CAPN15: variants seen among roughly 807,000 people sequenced by gnomAD.
The protein encoded by CAPN15 is calpain-15.
In CAPN15, 53 loss-of-function variants were observed where a neutral mutation model predicts 97.9. That is an observed-to-expected ratio of 0.54 (90% CI 0.43 to 0.68). CAPN15 has a LOEUF of 0.68. CAPN15 is among the 30% of genes least tolerant of loss of function. The pLI, the probability that CAPN15 is intolerant of heterozygous loss-of-function variation, is 0.00. For synonymous variants in CAPN15, 922 were observed against 722.5 expected (o/e 1.28, Z -4.43); for missense variants, 1,592 against 1,589.8 (o/e 1.00, Z -0.02).
rs1478499495 is a variant in CAPN15, at chr16:553,026, T to C, written c.3068T>C (p.Val1023Ala). The change falls in exon 13 of 14, where the codon GTG (valine) becomes GCG (alanine). Residue 1023 changes from valine (V) to alanine (A), a missense_variant. Physicochemically the swap from Val to Ala is moderately conservative, Grantham distance 64. Transcript: ENST00000219611. Reference sequence around the variant, plus strand: ...GGCAGCCTGCGTACCCAGGATAGCGTGCCACCCCTGCACAGGTGCGCCCCC... The same window carrying C: ...GGCAGCCTGCGTACCCAGGATAGCGCGCCACCCCTGCACAGGTGCGCCCCC... ...TRGSLRTQDS[V>A]PPLHRQVLVI... The C allele has an allele frequency of 6.3e-7, 1 of 1,584,228 alleles. No individual in the cohort carries two copies. The highest frequency in any genetic ancestry group is 8.6e-7 in the Non-Finnish European group (1 of 1,165,658).
At position 549,602 on chromosome 16, in the gene CAPN15, C is replaced by T. The variant is rs562637268; in HGVS notation, c.1843-13C>T. On this transcript the variant is annotated splice_polypyrimidine_tract_variant and intron_variant, in intron 6 of 13. Transcript: ENST00000219611. ...GGGCGGGCGGGGGTGGCCTCTGACC[C>T]GGCCCTCTGCAGGCGCAGCGGAAGC... The T allele has an allele frequency of 1.4e-4, 210 of 1,530,534 alleles. 1 individual carries two copies. The highest frequency in any genetic ancestry group is 3.7e-4 in the South Asian group (31 of 83,774). 94.8% of individuals were successfully genotyped at this position (1,530,534 alleles called of 1,614,324 possible).
chr16:548,091 G>A lies in CAPN15; in HGVS notation c.1253G>A (p.Cys418Tyr). 6.5e-7 allele frequency: 1 copy of A among 1,538,688 alleles called. No homozygotes were observed. The highest frequency in any genetic ancestry group is 8.7e-7 in the Non-Finnish European group (1 of 1,142,862). Residue 418 changes from cysteine (C) to tyrosine (Y), a missense_variant, in exon 4 of 14, where the codon TGC (cysteine) becomes TAC (tyrosine). Cys to Tyr is a radical substitution (Grantham distance 194). Around this residue, in one of 3 missense-constraint regions of CAPN15, gnomAD observed 883 missense variants for 776.6 expected, o/e 1.14. Transcript: ENST00000219611. Reference protein sequence around the residue: ...VLPERPGQWACPACTLLNALR... With the variant: ...VLPERPGQWAYPACTLLNALR... ...CCCGAGCGCCCGGGCCAGTGGGCCT[G>A]CCCTGCCTGTACCCTGCTCAACGCA...
Position 547,233 on chromosome 16 carries a change from A to C in CAPN15, c.395A>C (p.Glu132Ala). 6.6e-7 allele frequency: 1 copy of C among 1,518,168 alleles called. No homozygotes were observed. Among genetic ancestry groups the C allele is most frequent in the Non-Finnish European group, 8.8e-7 (1 of 1,139,136 alleles). 94.0% of individuals were successfully genotyped at this position (1,518,168 alleles called of 1,614,324 possible). ...GAGGACAAGGACGAGGAGGAGAAGG[A>C]GGAGCAGGAGGAGGAGGAGGGAGCG... is the stretch of plus-strand genomic sequence containing the variant. ...QCEDKDEEEK[E>A]EQEEEEGAAE... The change falls in exon 4 of 14, where the codon GAG becomes GCG. Residue 132 changes from glutamate to alanine, a missense_variant. Physicochemically the swap from Glu to Ala is moderately radical, Grantham distance 107. Transcript: ENST00000219611.
At chr16:548,368 T>C in intron 4 of CAPN15, 81 bp downstream of exon 4, 1 of 1,347,342 alleles carries the variant, frequency 7.4e-7, no homozygotes, top group Non-Finnish European at 9.8e-7. Context: ...GCTCTGGCGA[T>C]GGGCTGGGGA....
In CAPN15 at chr16:547,449, T is replaced by C. The variant is rs2142037853; in HGVS notation, c.611T>C (p.Leu204Pro). 6.3e-7 allele frequency: 1 copy of C among 1,589,572 alleles called. No homozygotes were observed. The highest frequency in any genetic ancestry group is 8.5e-7 in the Non-Finnish European group (1 of 1,175,204). Residue 204 changes from leucine (L) to proline (P), a missense_variant, in exon 4 of 14, where the codon CTC (leucine) becomes CCC (proline). Around this residue, in one of 3 missense-constraint regions of CAPN15, gnomAD observed 883 missense variants for 776.6 expected, o/e 1.14. Coordinates refer to ENST00000219611, the MANE Select transcript of CAPN15 (RefSeq NM_005632.3). ...HVVPAAPPPGLPGEGAEANPP... is the reference protein window; with the variant it reads ...HVVPAAPPPGPPGEGAEANPP... ...GTGCCTGCCGCGCCTCCACCTGGCC[T>C]CCCCGGGGAAGGTGCCGAGGCCAAC...
At chr16:528,060 GCCCAGCCGGGGAC>G (rs1396211217) in intron 1 of CAPN15, 31 bp downstream of exon 1, 1 of 144,544 alleles carries the variant, frequency 6.9e-6, no homozygotes, top group Non-Finnish European at 1.5e-5. Flanking sequence ...CCGGCCGGGC[GCCCAGCCGGGGAC>G]CCCGGGCGGG....
Position 540,420 on chromosome 16 carries a change from C to T in CAPN15, c.-23+4278C>T. 4 of 917,112 alleles carry T rather than the reference C, an allele frequency of 4.4e-6. No individual in the cohort carries two copies. In the South Asian group the frequency reaches 2.0e-4, roughly 46 times the overall value. 56.8% of individuals were successfully genotyped at this position (917,112 alleles called of 1,614,324 possible). A position where few individuals can be genotyped will look rare whatever the true frequency, so the allele number is the denominator to read the frequency against. On this transcript the variant is annotated intron_variant, in intron 3 of 13. Transcript: ENST00000219611. Reference sequence around the variant, plus strand: ...CCGGAGGGCTCCCGGGGGCAGAGGGCCTCGTTCTCAGGGTGCCCCCTCCTT... The same window carrying T: ...CCGGAGGGCTCCCGGGGGCAGAGGGTCTCGTTCTCAGGGTGCCCCCTCCTT...
intron 3 of CAPN15, chr16:543,435 G>C (rs1435137376): frequency 6.6e-6 from 1 of 152,650 alleles, no homozygotes; most frequent in Non-Finnish European, 1.5e-5. Context: ...CGGGTATGTG[G>C]GGCGTGTGTT....
At position 527,732 on chromosome 16, in the gene CAPN15, A is replaced by C. The variant is rs561365027; in HGVS notation, c.-487A>C. 6.7e-3 allele frequency: 1,010 copies of C among 150,354 alleles called. 11 individuals carry two copies. The highest frequency in any genetic ancestry group is 0.023 in the African/African-American group (943 of 41,198). The allele number at this position is 150,354 out of a possible 1,614,324, so 9.3% of individuals were successfully genotyped here. A position where few individuals can be genotyped will look rare whatever the true frequency, so the allele number is the denominator to read the frequency against. ...GAGCCGTAGTCCGGGCGCGCGATTC[A>C]CAGCGCCGCGTGCGCCCCGGGCGCG... On this transcript the variant is annotated 5_prime_UTR_variant, in exon 1 of 14. Transcript: ENST00000219611.
chr16:534,856 G>A (rs768338602), intron 2 of CAPN15, among the ~76,000 whole-genome samples: 2 of 152,212 alleles, frequency 1.3e-5, no homozygotes, highest in Non-Finnish European at 2.9e-5. Context: ...TGGGGTCGCT[G>A]TGGTTCCCAT....
Position 544,582 on chromosome 16 carries a change from G to A in CAPN15, c.-22-2235G>A, listed in dbSNP as rs558838963. Among the ~76,000 whole-genome samples the A allele has an allele frequency of 9.9e-5, 15 of 152,188 alleles. No homozygotes were observed. In the East Asian group the frequency reaches 1.6e-3, roughly 16 times the overall value. On this transcript the variant is annotated intron_variant, in intron 3 of 13. Transcript: ENST00000219611. ...CCCTTTTGAATTGGAGCTGAGTGTC[G>A]GCAACGCCCAGATAACTGGGGCGCG...
chr16:546,820 C>A lies in CAPN15; in HGVS notation c.-19C>A. On this transcript the variant is annotated 5_prime_UTR_variant, in exon 4 of 14. Coordinates refer to ENST00000219611, the MANE Select transcript of CAPN15 (RefSeq NM_005632.3). ...TGATGAGCACCTTCCCTTGCAGCCA[C>A]ACCCACTCGCCCGGGTCTATGGCCA... The A allele has an allele frequency of 6.3e-7, 1 of 1,582,934 alleles. No individual in the cohort carries two copies.
At chr16:540,030 T>G in intron 3 of CAPN15, 1 of 958,556 alleles carries the variant, frequency 1.0e-6, no homozygotes, top group Non-Finnish European at 1.2e-6. Context: ...GTGTGAATCA[T>G]GCTGTTTCTT....
rs1486753076 is a variant in CAPN15 at position 529,815 on chromosome 16, G to T, written c.-190+1786G>T. The stretch of plus-strand genomic sequence containing the variant: ...ACTTGTCAGGTCTGTGTCTGTCCTG[G>T]GTGGCCACTCGGCCCTGGACCGTGA... On this transcript the variant is annotated intron_variant, in intron 1 of 13. Transcript: ENST00000219611. Among the ~76,000 whole-genome samples, 6 of 152,328 alleles carry T rather than the reference G, an allele frequency of 3.9e-5. No individual in the cohort carries two copies. In the East Asian group the frequency reaches 1.2e-3, roughly 29 times the overall value.
At chr16:531,743 C>T (rs984863389) in intron 1 of CAPN15, among the ~76,000 whole-genome samples, 2 of 146,188 alleles carry the variant, frequency 1.4e-5, no homozygotes, top group African/African-American at 2.5e-5. Flanking sequence ...ATGACAGGTG[C>T]CCAGGGCCAC....
At chr16:551,935 C>T (rs111911259) in intron 9 of CAPN15, 116 bp from the exon 10 acceptor site, 78 of 1,195,736 alleles carry the variant, frequency 6.5e-5, no homozygotes, top group South Asian at 2.9e-4. Context: ...TGCAAGAGGA[C>T]GGTGACGGAG....
At chr16:550,733 C>CG (rs1555447171) in intron 7 of CAPN15, among the ~76,000 whole-genome samples, 8 of 9,348 alleles carry the variant, frequency 8.6e-4, no homozygotes, top group Admixed American at 1.7e-3. Flanking sequence ...TGAGGGTCCC[C>CG]GTCGGTGAGG....
chr16:544,310 C>G (rs1427600674), intron 3 of CAPN15, among the ~76,000 whole-genome samples: 1 of 151,942 alleles, frequency 6.6e-6, no homozygotes, highest in Non-Finnish European at 1.5e-5. Flanking sequence ...GCACAGGTTG[C>G]GGGGCTGCCC....
chr16:553,648 G>T lies in CAPN15; in HGVS notation c.*132G>T, dbSNP rs899183299. On this transcript the variant is annotated 3_prime_UTR_variant, in exon 14 of 14. Coordinates refer to ENST00000219611, the MANE Select transcript of CAPN15 (RefSeq NM_005632.3). Reference sequence around the variant, plus strand: ...CCGCCCAGGGAGCTGCCAGCCCAGGGCTCAGCTTCCCATGGGCCCCCCGCC... The same window carrying T: ...CCGCCCAGGGAGCTGCCAGCCCAGGTCTCAGCTTCCCATGGGCCCCCCGCC... 2.1e-5 allele frequency: 12 copies of T among 575,872 alleles called. No individual in the cohort carries two copies. The African/African-American group carries it at 2.1e-4, about 10-fold the overall frequency. The allele number at this position is 575,872 out of a possible 1,614,324, so 35.7% of individuals were successfully genotyped here. A position where few individuals can be genotyped will look rare whatever the true frequency, so the allele number is the denominator to read the frequency against.
Sources: gnomAD v4.1 joint callset for allele counts (sites outside exome capture counted in the v4.1 genomes callset) on GRCh38, gnomAD v4.1.1 for gene constraint, gnomAD v4.1.1 regional missense constraint, MANE v1.5 for transcripts, NCBI Gene and HGNC (gene_info 2026-07-23, HGNC 2026-07-21) for gene names.